CPED1: variants seen among roughly 807,000 people sequenced by gnomAD.
CPED1 encodes cadherin like and PC-esterase domain containing 1.
CPED1 carries 114 observed loss-of-function variants against 128.2 expected under a neutral mutation model. The observed-to-expected ratio is 0.89, with a 90% CI of 0.76 to 1.04. The LOEUF (loss-of-function observed/expected upper bound fraction) is 1.04, where lower values mean the gene tolerates loss of function less well. Ranked by LOEUF, CPED1 falls within the 50% of genes least tolerant of loss-of-function variation. CPED1 has a pLI of 0.00. For missense variants in CPED1, 1,211 were observed against 1,207.1 expected (o/e 1.00, Z -0.05); for synonymous variants, 462 against 426.7 (o/e 1.08, Z -1.02).
intron 22 of CPED1, among the ~76,000 whole-genome samples, chr7:121,280,170 A>G (rs1314971209): frequency 1.3e-5 from 2 of 152,344 alleles, no homozygotes; most frequent in South Asian, 4.1e-4. Flanking sequence ...CCCAAGATGC[A>G]CATCTAAATA....
intron 5 of CPED1, among the ~76,000 whole-genome samples, chr7:121,075,665 T>C (rs1256618284): frequency 6.6e-6 from 1 of 152,134 alleles, no homozygotes; most frequent in East Asian, 1.9e-4. Context: ...GGTTTCACCA[T>C]ATTGGTCAGG....
chr7:121,165,714 T>C (rs1330298690), intron 16 of CPED1, among the ~76,000 whole-genome samples: 1 of 152,244 alleles, frequency 6.6e-6, no homozygotes, highest in Non-Finnish European at 1.5e-5. Flanking sequence ...CTGAAGTTTC[T>C]AAATTGTTAC....
intron 7 of CPED1, 118 bp downstream of exon 7, chr7:121,100,212 C>G: frequency 1.2e-6 from 1 of 862,702 alleles, no homozygotes; most frequent in East Asian, 2.6e-5. Context: ...AGGATCACAT[C>G]TTTTTTATTG....
intron 16 of CPED1, among the ~76,000 whole-genome samples, chr7:121,217,431 G>A (rs1011394210): frequency 1.3e-5 from 2 of 151,850 alleles, no homozygotes; most frequent in African/African-American, 2.4e-5. Context: ...TAACTAGTTC[G>A]GCTTTTCTCT....
At chr7:121,193,713 T>C (rs571999001) in intron 16 of CPED1, among the ~76,000 whole-genome samples, 230 of 152,192 alleles carry the variant, frequency 1.5e-3, no homozygotes, top group African/African-American at 5.2e-3. Flanking sequence ...GTAAGTGTTG[T>C]TAACTCTACA....
chr7:121,265,922 CTTG>C (rs1792112250), intron 18 of CPED1, among the ~76,000 whole-genome samples: 1 of 151,908 alleles, frequency 6.6e-6, no homozygotes, highest in Non-Finnish European at 1.5e-5. Flanking sequence ...ATCAATAGAA[CTTG>C]TTAAGATGCT....
At chr7:121,129,995 A>G in intron 11 of CPED1, 130 bp from the exon 12 acceptor site, 2 of 721,566 alleles carry the variant, frequency 2.8e-6, no homozygotes. Flanking sequence ...AAACTAATTT[A>G]TGGTACTGAC....
intron 16 of CPED1, among the ~76,000 whole-genome samples, chr7:121,199,559 C>T (rs1048127172): frequency 1.1e-4 from 17 of 150,784 alleles, no homozygotes; most frequent in African/African-American, 4.2e-4. Context: ...CACCTGTAGT[C>T]CCAGCTACTC....
At chr7:121,042,940 A>T (rs1211031526) in intron 3 of CPED1, among the ~76,000 whole-genome samples, 1 of 152,186 alleles carries the variant, frequency 6.6e-6, no homozygotes, top group Admixed American at 6.6e-5. Flanking sequence ...CTAAGAAGTC[A>T]CCACCCAAAT....
At position 121,295,534 on chromosome 7, in the gene CPED1, A is replaced by C; in HGVS notation, c.2963A>C (p.Lys988Thr). ...IMGRYFSNQS[K>T]LQQGTVTNFR... is the part of the protein sequence containing the mutation. ...GGAAGATATTTCAGCAATCAAAGCA[A>C]ACTACAACAAGGCACTGTAACAAAT... The change falls in exon 23 of 23, where the codon AAA becomes ACA. Residue 988 changes from lysine (K) to threonine (T), a missense_variant. Coordinates refer to ENST00000310396, the MANE Select transcript of CPED1 (RefSeq NM_024913.5). The C allele has an allele frequency of 6.2e-7, 1 of 1,614,140 alleles. No homozygotes were observed. The highest frequency in any genetic ancestry group is 1.3e-5 in the African/African-American group (1 of 75,066).
chr7:121,085,243 A>G (rs1272058249), intron 5 of CPED1, among the ~76,000 whole-genome samples: 1 of 152,074 alleles, frequency 6.6e-6, no homozygotes, highest in Non-Finnish European at 1.5e-5. Flanking sequence ...GGTCAGGGAC[A>G]GAGATTCATG....
intron 2 of CPED1, among the ~76,000 whole-genome samples, chr7:120,995,626 C>T (rs1385001127): frequency 6.6e-6 from 1 of 152,176 alleles, no homozygotes; most frequent in Admixed American, 6.5e-5. Context: ...TCACAAACCT[C>T]ATGCCCAAAT....
At chr7:121,272,817 C>T (rs1792259552) in intron 22 of CPED1, among the ~76,000 whole-genome samples, 1 of 152,064 alleles carries the variant, frequency 6.6e-6, no homozygotes, top group Non-Finnish European at 1.5e-5. Flanking sequence ...AGGCTCCTCT[C>T]ACTTGGCTTA....
chr7:121,082,054 G>GGC (rs1794308111), intron 5 of CPED1, among the ~76,000 whole-genome samples: 1 of 152,146 alleles, frequency 6.6e-6, no homozygotes, highest in African/African-American at 2.4e-5. Context: ...TACAGTGATG[G>GGC]CAGAAATCAG....
At chr7:121,255,040 T>A (rs2116718626) in intron 18 of CPED1, among the ~76,000 whole-genome samples, 1 of 152,114 alleles carries the variant, frequency 6.6e-6, no homozygotes, top group South Asian at 2.1e-4. Flanking sequence ...GAGGAGGGAT[T>A]CCTCCTTAAC....
At chr7:121,155,924 G>A (rs148370967) in intron 16 of CPED1, among the ~76,000 whole-genome samples, 94 of 152,198 alleles carry the variant, frequency 6.2e-4, no homozygotes, top group Middle Eastern at 3.4e-3. Context: ...CCTAAAAAAT[G>A]GGAGAAACGC....
intron 16 of CPED1, among the ~76,000 whole-genome samples, chr7:121,173,781 G>A (rs932836623): frequency 1.3e-5 from 2 of 151,958 alleles, no homozygotes; most frequent in African/African-American, 4.8e-5. Flanking sequence ...TTTCAGTTCT[G>A]TTTTTAGCTC....
chr7:121,272,594 G>C (rs925121789), intron 22 of CPED1, among the ~76,000 whole-genome samples: 13 of 152,012 alleles, frequency 8.6e-5, no homozygotes, highest in African/African-American at 3.1e-4. Context: ...ATAGCACTAG[G>C]CTTGCTCTAC....
chr7:121,149,861 T>C (rs1199889361), intron 16 of CPED1, among the ~76,000 whole-genome samples: 2 of 152,180 alleles, frequency 1.3e-5, no homozygotes, highest in East Asian at 1.9e-4. Context: ...GGGAACCTCT[T>C]TTTGATTAAT....
Sources: gnomAD v4.1 joint callset for allele counts (sites outside exome capture counted in the v4.1 genomes callset) on GRCh38, gnomAD v4.1.1 for gene constraint, MANE v1.5 for transcripts, NCBI Gene and HGNC (gene_info 2026-07-23, HGNC 2026-07-21) for gene names.